CAPS2: variants seen among roughly 807,000 people sequenced by gnomAD.
CAPS2 encodes the protein calcyphosin-2.
Under a neutral mutation model 86.5 loss-of-function variants are expected in CAPS2, and 98 were observed. The observed-to-expected ratio is 1.13, with a 90% confidence interval of 0.96 to 1.34. The LOEUF is 1.34. CAPS2 is among the 40% of genes most tolerant of loss of function. CAPS2 has a pLI of 0.00. For synonymous variants in CAPS2, 210 were observed against 225.1 expected, an observed-to-expected ratio of 0.93 and a Z score of 0.60; for missense variants, 729 against 686.8, an observed-to-expected ratio of 1.06 and a Z score of -0.69.
upstream of CAPS2, among the ~76,000 whole-genome samples, chr12:75,333,346 A>G (rs2041473874): frequency 6.6e-6 from 1 of 152,150 alleles, no homozygotes; most frequent in African/African-American, 2.4e-5. Context: ...GTATATGCCT[A>G]TAGATATCTT....
chr12:75,326,066 C>T (rs1383841485), intron 1 of CAPS2, among the ~76,000 whole-genome samples: 1 of 152,034 alleles, frequency 6.6e-6, no homozygotes, highest in Non-Finnish European at 1.5e-5. Context: ...CACCCATCAG[C>T]ACTTATACCC....
At chr12:75,282,373 T>C (rs1338203269) in intron 15 of CAPS2, 26 bp from the exon 16 acceptor site, 1 of 1,428,222 alleles carries the variant, frequency 7.0e-7, no homozygotes, top group African/African-American at 1.4e-5. Context: ...TTATTATTAT[T>C]AGTTTGTTGG....
intron 6 of CAPS2, among the ~76,000 whole-genome samples, chr12:75,313,727 T>C (rs570999240): frequency 3.3e-5 from 5 of 152,296 alleles, no homozygotes; most frequent in Admixed American, 6.5e-5. Flanking sequence ...GTCATCCCCA[T>C]TGATCACTCC....
chr12:75,298,470 G>C (rs1412643059), intron 11 of CAPS2: 5 of 503,300 alleles, frequency 9.9e-6, no homozygotes, highest in Non-Finnish European at 1.8e-5. Flanking sequence ...GGGTGTTACA[G>C]AAAATAAATG....
At chr12:75,277,133 G>A (rs1260433277), downstream of CAPS2, 2 of 982,222 alleles carry the variant, frequency 2.0e-6, no homozygotes, top group Non-Finnish European at 2.4e-6. Flanking sequence ...ACATGTGAAT[G>A]CTTATGTTAG....
chr12:75,369,892 T>C (rs1311855714), intron 1 of CAPS2: 11 of 1,327,576 alleles, frequency 8.3e-6, no homozygotes, highest in Non-Finnish European at 1.1e-5. Context: ...CTAAAAGCCA[T>C]AAAAGCAAAG....
rs376082852 is a variant in CAPS2 at position 75,345,206 on chromosome 12, G to T, written c.-394-21984C>A. Reference sequence around the variant, plus strand: ...TATGAGAGTGTATCAAACTTCTCCTGAGCCATAATCTAGAAACTGTCTCCA... The same window carrying T: ...TATGAGAGTGTATCAAACTTCTCCTTAGCCATAATCTAGAAACTGTCTCCA... On this transcript the variant is annotated intron_variant, in intron 1 of 5. Coordinates refer to the CAPS2 transcript ENST00000551829. Among the ~76,000 whole-genome samples the T allele has an allele frequency of 7.2e-5, 11 of 151,994 alleles. No homozygotes were observed. The South Asian group carries it at 1.0e-3, about 14-fold the overall frequency.
intron 8 of CAPS2, among the ~76,000 whole-genome samples, chr12:75,300,659 T>C (rs1384205059): frequency 6.6e-6 from 1 of 151,374 alleles, no homozygotes; most frequent in Non-Finnish European, 1.5e-5. Flanking sequence ...CAGGAAAGAC[T>C]TTCTTTTGTC....
chr12:75,301,329 A>C (rs147683816), intron 8 of CAPS2, among the ~76,000 whole-genome samples: 6 of 152,356 alleles, frequency 3.9e-5, no homozygotes, highest in African/African-American at 1.2e-4. Flanking sequence ...AGGGAACAGG[A>C]AACGTGAGCC....
At chr12:75,390,485 T>G (rs2045529845) in intron 1 of CAPS2, 1 of 412,904 alleles carries the variant, frequency 2.4e-6, no homozygotes, top group Non-Finnish European at 4.8e-6. Context: ...AAGGTTCATT[T>G]AAAAACTGAA....
chr12:75,298,734 A>G, exon 11 of CAPS2: 1 of 1,614,152 alleles, frequency 6.2e-7, no homozygotes. Flanking sequence ...CTTCGTCCAC[A>G]CTGATGACTA....
chr12:75,377,330 A>T (rs986328760), intron 1 of CAPS2, among the ~76,000 whole-genome samples: 11 of 152,188 alleles, frequency 7.2e-5, no homozygotes, highest in Non-Finnish European at 1.2e-4. Context: ...GGATATGTGC[A>T]TATATGGAAG....
intron 9 of CAPS2, 144 bp downstream of exon 9, chr12:75,299,693 T>C (rs1460233158): frequency 1.2e-5 from 5 of 426,040 alleles, no homozygotes; most frequent in Non-Finnish European, 1.7e-5. Context: ...TTAATAGCTA[T>C]TATTTTAAAA....
intron 1 of CAPS2, among the ~76,000 whole-genome samples, chr12:75,344,777 C>A (rs1373290317): frequency 6.6e-6 from 1 of 152,054 alleles, no homozygotes; most frequent in East Asian, 1.9e-4. Flanking sequence ...AAGTTACCTG[C>A]AATTTATTTG....
intron 7 of CAPS2, 99 bp from the exon 8 acceptor site, chr12:75,304,975 G>T: frequency 1.1e-6 from 1 of 935,652 alleles, no homozygotes; most frequent in Non-Finnish European, 1.5e-6. Context: ...TATACCAAAT[G>T]CAAATTTACA....
At chr12:75,341,030 C>CA (rs113251142) in intron 1 of CAPS2, among the ~76,000 whole-genome samples, 7,981 of 141,962 alleles carry the variant, frequency 0.056, 228 homozygotes, top group Middle Eastern at 0.089. Flanking sequence ...CAATTTCTTA[C>CA]AAAAAAAAAA....
At chr12:75,344,961 C>T (rs1281347549) in intron 1 of CAPS2, among the ~76,000 whole-genome samples, 3 of 152,126 alleles carry the variant, frequency 2.0e-5, no homozygotes, top group Non-Finnish European at 4.4e-5. Context: ...CAATTTCTGG[C>T]TTTGTGTAAA....
chr12:75,280,741 A>C (rs1396246848), intron 16 of CAPS2, among the ~76,000 whole-genome samples: 2 of 151,892 alleles, frequency 1.3e-5, no homozygotes, highest in Non-Finnish European at 2.9e-5. Context: ...AAATCAAACT[A>C]TTTCGACAAG....
intron 1 of CAPS2, among the ~76,000 whole-genome samples, chr12:75,340,330 A>C (rs1323829120): frequency 6.6e-6 from 1 of 151,936 alleles, no homozygotes; most frequent in Non-Finnish European, 1.5e-5. Flanking sequence ...ACAAAGATGC[A>C]AAAGTAATTC....
Sources: gnomAD v4.1 joint callset for allele counts (sites outside exome capture counted in the v4.1 genomes callset) on GRCh38, gnomAD v4.1.1 for gene constraint, MANE v1.5 for transcripts, NCBI Gene and HGNC (gene_info 2026-07-23, HGNC 2026-07-21) for gene names.